The following PDZRN4 variants were observed in gnomAD, a reference collection of about 807,000 sequenced individuals.
PDZRN4 encodes the protein PDZ domain-containing RING finger protein 4.
A neutral mutation model predicts 99.0 loss-of-function variants in PDZRN4; 70 were observed. The observed-to-expected ratio is 0.71, with a 90% confidence interval of 0.58 to 0.86. The LOEUF (loss-of-function observed/expected upper bound fraction) is 0.86. PDZRN4 is among the 40% of genes least tolerant of loss of function. The probability of loss-of-function intolerance (pLI) is 0.00; values close to 1 mark genes in which losing one functional copy is unlikely to be tolerated. For missense variants in PDZRN4, 1,474 were observed against 1,331.2 expected (o/e 1.11, Z -1.67); for synonymous variants, 551 against 501.6 (o/e 1.10, Z -1.32).
chr12:41,210,352 T>G (rs886806462), intron 3 of PDZRN4, among the ~76,000 whole-genome samples: 1 of 152,090 alleles, frequency 6.6e-6, no homozygotes, highest in African/African-American at 2.4e-5. Context: ...TTTAGTTTAA[T>G]TAGATCCCAT....
intron 3 of PDZRN4, among the ~76,000 whole-genome samples, chr12:41,341,026 G>T (rs979015380): frequency 1.3e-5 from 2 of 151,926 alleles, no homozygotes; most frequent in East Asian, 3.9e-4. Context: ...CACCAAGGGA[G>T]ATTTATCCAG....
chr12:41,320,721 A>C (rs1281687936), intron 3 of PDZRN4, among the ~76,000 whole-genome samples: 1 of 137,074 alleles, frequency 7.3e-6, no homozygotes, highest in Non-Finnish European at 1.6e-5. Flanking sequence ...TCATTGAATG[A>C]AGTAGGAAGT....
In PDZRN4 at chr12:41,567,384, T is replaced by C. The variant is rs116949648; in HGVS notation, c.1468-399T>C. On this transcript the variant is annotated intron_variant, in intron 8 of 9. Transcript: ENST00000402685. ...TTGTGTGCAGTCTCGTTGGGGGTTG[T>C]TGTTAAAGAAAACAGCCCAATTGTC... Among the ~76,000 whole-genome samples the C allele has an allele frequency of 3.3e-5, 5 of 152,252 alleles. No homozygotes were observed. The East Asian group carries it at 9.7e-4, about 29-fold the overall frequency.
At position 41,398,930 on chromosome 12, in the gene PDZRN4, A is replaced by G. The variant is rs192435832; in HGVS notation, c.844-107526A>G. Among the ~76,000 whole-genome samples the G allele has an allele frequency of 7.0e-4, 106 of 152,292 alleles. 3 individuals carry two copies. Among genetic ancestry groups the G allele is most frequent in the African/African-American group, 2.0e-3 (83 of 41,582 alleles). ...TAAGATTTTATTAGATTAAATTCAA[A>G]TAAACTATTTTCATCTCATCTGTAC... On this transcript the variant is annotated intron_variant, in intron 3 of 9. Coordinates refer to ENST00000402685, the MANE Select transcript of PDZRN4 (RefSeq NM_001164595.2).
At chr12:41,435,443 G>A (rs1952620583) in intron 3 of PDZRN4, among the ~76,000 whole-genome samples, 1 of 152,126 alleles carries the variant, frequency 6.6e-6, no homozygotes, top group South Asian at 2.1e-4. Context: ...ATAGAAGGGT[G>A]AGCCATCTTT....
intron 3 of PDZRN4, among the ~76,000 whole-genome samples, chr12:41,411,117 T>C (rs1250939425): frequency 2.0e-5 from 3 of 151,480 alleles, no homozygotes; most frequent in Non-Finnish European, 4.4e-5. Context: ...TCCAGACTGG[T>C]CTCAAACTCC....
intron 3 of PDZRN4, among the ~76,000 whole-genome samples, chr12:41,413,408 A>G (rs1225224246): frequency 6.6e-6 from 1 of 152,160 alleles, no homozygotes. Flanking sequence ...GTTAAAGTAT[A>G]TAAGAGATAT....
At chr12:41,453,059 G>A (rs1216469987) in intron 3 of PDZRN4, among the ~76,000 whole-genome samples, 2 of 152,162 alleles carry the variant, frequency 1.3e-5, no homozygotes, top group Non-Finnish European at 2.9e-5. Context: ...AACTGGAATG[G>A]CCTGTCAGAG....
At chr12:41,314,379 T>A (rs1269578755) in intron 3 of PDZRN4, among the ~76,000 whole-genome samples, 1 of 152,198 alleles carries the variant, frequency 6.6e-6, no homozygotes, top group Non-Finnish European at 1.5e-5. Context: ...GCTCATGATA[T>A]CAAGACTAGT....
At chr12:41,240,827 T>C (rs555937913) in intron 3 of PDZRN4, among the ~76,000 whole-genome samples, 1 of 152,272 alleles carries the variant, frequency 6.6e-6, no homozygotes, top group East Asian at 1.9e-4. Context: ...AAAGCCCTTA[T>C]TACCTACTCA....
At chr12:41,246,460 A>G (rs1173871641) in intron 3 of PDZRN4, among the ~76,000 whole-genome samples, 1 of 152,164 alleles carries the variant, frequency 6.6e-6, no homozygotes, top group Non-Finnish European at 1.5e-5. Context: ...TCTTCTTGTT[A>G]TTGGGTTCTT....
At chr12:41,301,165 C>T (rs2120930360) in intron 3 of PDZRN4, among the ~76,000 whole-genome samples, 1 of 152,046 alleles carries the variant, frequency 6.6e-6, no homozygotes, top group East Asian at 1.9e-4. Context: ...GAATATTTGG[C>T]TGTTTGCTTT....
At position 41,555,772 on chromosome 12, in the gene PDZRN4, A is replaced by G; in HGVS notation, c.1365+12A>G. 1 of 1,607,456 alleles carries G rather than the reference A, an allele frequency of 6.2e-7. No homozygotes were observed. Among genetic ancestry groups the G allele is most frequent in the South Asian group, 1.1e-5 (1 of 90,926 alleles). On this transcript the variant is annotated intron_variant, in intron 7 of 9. Coordinates refer to ENST00000402685, the MANE Select transcript of PDZRN4 (RefSeq NM_001164595.2). ...ATCGGATTTTGCAAGTAGGTGGTATAGTAATTTCCTTTAGTTCCCCACGAT... is the reference window on the plus strand; with the variant it reads ...ATCGGATTTTGCAAGTAGGTGGTATGGTAATTTCCTTTAGTTCCCCACGAT...
At chr12:41,438,051 G>A in intron 3 of PDZRN4, 1 of 1,607,746 alleles carries the variant, frequency 6.2e-7, no homozygotes, top group Non-Finnish European at 8.5e-7. Flanking sequence ...TAAGAGCCAG[G>A]CTTTGTGTTT....
rs550346103 is a variant in PDZRN4, at chr12:41,345,701, G to A, written c.843+151513G>A. ...TGATCGAGACAGTGTTTTTATCCAG[G>A]AAGCACAGCGTGGGGATGCATACAC... is the stretch of plus-strand genomic sequence containing the variant. On this transcript the variant is annotated intron_variant, in intron 3 of 9. Transcript: ENST00000402685. Among the ~76,000 whole-genome samples, 180 of 152,194 alleles carry A rather than the reference G, an allele frequency of 1.2e-3. 1 individual carries two copies. The highest frequency in any genetic ancestry group is 4.2e-3 in the African/African-American group (175 of 41,528).
chr12:41,226,711 TA>T (rs1233136890), intron 3 of PDZRN4, among the ~76,000 whole-genome samples: 1 of 152,166 alleles, frequency 6.6e-6, no homozygotes, highest in African/African-American at 2.4e-5. Flanking sequence ...TTCAAATTTG[TA>T]ATCTGTATTT....
At chr12:41,394,837 C>CGAGA (rs141770387) in intron 3 of PDZRN4, among the ~76,000 whole-genome samples, 2 of 148,970 alleles carry the variant, frequency 1.3e-5, no homozygotes, top group African/African-American at 4.9e-5. Context: ...AAAGAGAGGG[C>CGAGA]GAGAGAGAGA....
intron 3 of PDZRN4, among the ~76,000 whole-genome samples, chr12:41,371,184 A>T (rs1320953510): frequency 6.7e-6 from 1 of 150,044 alleles, no homozygotes; most frequent in Non-Finnish European, 1.5e-5. Context: ...TGATTTTTTT[A>T]AGTTGGCATA....
chr12:41,473,356 C>T (rs1953011299), intron 3 of PDZRN4: 1 of 152,102 alleles, frequency 6.6e-6, no homozygotes, highest in African/African-American at 2.4e-5. Context: ...CATAACAAAC[C>T]ATACATACCT....
Sources: allele counts gnomAD v4.1 joint callset (sites outside exome capture counted in the v4.1 genomes callset), GRCh38; gene constraint gnomAD v4.1.1; transcripts MANE v1.5; gene names NCBI Gene and HGNC (gene_info 2026-07-23, HGNC 2026-07-21).